Variants in ECD observed in about 807,000 individuals in gnomAD.
ECD encodes protein ecdysoneless homolog.
ECD carries 59 observed loss-of-function variants against 77.2 expected under a neutral mutation model. The observed-to-expected ratio is 0.76, with a 90% CI of 0.62 to 0.95. The LOEUF (loss-of-function observed/expected upper bound fraction) is 0.95, where lower values mean the gene tolerates loss of function less well. Ranked by LOEUF, ECD falls within the 40% of genes least tolerant of loss-of-function variation. The probability of loss-of-function intolerance (pLI) is 0.00; values close to 1 mark genes in which losing one functional copy is unlikely to be tolerated. For missense variants in ECD, 704 were observed against 763.4 expected (o/e 0.92, Z 0.92); for synonymous variants, 233 against 267.4 (o/e 0.87, Z 1.26).
chr10:73,158,324 A>T (rs909058298), intron 3 of ECD, among the ~76,000 whole-genome samples: 1 of 152,188 alleles, frequency 6.6e-6, no homozygotes, highest in African/African-American at 2.4e-5. Flanking sequence ...CACCACACAC[A>T]AAAAAATAAG....
rs148683257 is a variant in ECD, at chr10:73,136,733, T to C, written c.1675A>G (p.Ser559Gly). 4.2e-5 allele frequency: 68 copies of C among 1,614,030 alleles called. 1 individual carries two copies. In the African/African-American group the frequency reaches 7.1e-4, roughly 17 times the overall value. The part of the protein sequence containing the change: ...MDQELAHTCI[S>G]KSFTTRNQVE... The stretch of plus-strand genomic sequence containing the variant: ...TGGTTCCTAGTGGTGAAACTTTTGC[T>C]GATGCAGGTGTGTGCTAGTTCCTGG... Residue 559 changes from serine (S) to glycine (G), a missense_variant, in exon 13 of 14, where the codon AGC (serine) becomes GGC (glycine). Ser to Gly is a moderately conservative substitution (Grantham distance 56, BLOSUM62 0). Around this residue, in one of 3 missense-constraint regions of ECD, gnomAD observed 142 missense variants for 163.6 expected, o/e 0.87. Transcript: ENST00000372979.
chr10:73,149,693 CTT>C (rs1213483769), intron 7 of ECD, among the ~76,000 whole-genome samples: 2 of 152,146 alleles, frequency 1.3e-5, no homozygotes, highest in Admixed American at 6.5e-5. Flanking sequence ...ATATTTTTGA[CTT>C]ATGATATTTT....
rs761073742 is a variant in ECD, at chr10:73,156,341, G to A, written c.524C>T (p.Thr175Ile). Reference protein sequence around the residue: ...PTIPQALNIITAHSEKILASE... With the variant: ...PTIPQALNIIIAHSEKILASE... ...AGCAAGTATTTTTTCTGAATGTGCT[G>A]TGATTATATTCAATGCTTGTGGAAT... The change falls in exon 5 of 14, where the codon ACA becomes ATA. Residue 175 changes from threonine (T) to isoleucine (I), a missense_variant. This residue lies in a region of ECD where 559 missense variants were observed against 583.7 expected (regional missense o/e 0.96). Transcript: ENST00000372979. 6.2e-7 allele frequency: 1 copy of A among 1,613,452 alleles called. No homozygotes were observed. Among genetic ancestry groups the A allele is most frequent in the Non-Finnish European group, 8.5e-7 (1 of 1,179,838 alleles).
intron 2 of ECD, among the ~76,000 whole-genome samples, chr10:73,162,162 ACAAACATAAC>A (rs1382831600): frequency 6.6e-6 from 1 of 152,246 alleles, no homozygotes; most frequent in Non-Finnish European, 1.5e-5. Context: ...TTTGTGTTTT[ACAAACATAAC>A]CAGCAACAGT....
In ECD at chr10:73,160,588, A is replaced by C. The variant is rs768588882; in HGVS notation, c.206-37T>G. 27 of 1,435,462 alleles carry C rather than the reference A, an allele frequency of 1.9e-5. 1 individual carries two copies. The South Asian group carries it at 3.3e-4, about 18-fold the overall frequency. 88.9% of individuals were successfully genotyped at this position (1,435,462 alleles called of 1,614,324 possible). A position where few individuals can be genotyped will look rare whatever the true frequency, so the allele number is the denominator to read the frequency against. Reference sequence around the variant, plus strand: ...AGAAAAGCAACCATGTAACCAGATAAATTTGTTACTGCAAATAAAATGCAC... The same window carrying C: ...AGAAAAGCAACCATGTAACCAGATACATTTGTTACTGCAAATAAAATGCAC... On this transcript the variant is annotated intron_variant, in intron 2 of 13. Coordinates refer to ENST00000372979, the MANE Select transcript of ECD (RefSeq NM_007265.3).
rs1237884718 is a variant in ECD at position 73,134,201 on chromosome 10, G to C, written c.*382C>G. The C allele has an allele frequency of 5.8e-6, 1 of 173,202 alleles. No individual in the cohort carries two copies. The highest frequency in any genetic ancestry group is 1.3e-5 in the Non-Finnish European group (1 of 79,644). 10.7% of individuals were successfully genotyped at this position (173,202 alleles called of 1,614,324 possible). Reference sequence around the variant, plus strand: ...GCCTCATTAAAAAAATTGAAAAAGTGAATGAGTTTTCAAATCCAAATTTGT... The same window carrying C: ...GCCTCATTAAAAAAATTGAAAAAGTCAATGAGTTTTCAAATCCAAATTTGT... On this transcript the variant is annotated 3_prime_UTR_variant, in exon 14 of 14. Coordinates refer to ENST00000372979, the MANE Select transcript of ECD (RefSeq NM_007265.3).
At chr10:73,136,988 TA>T in intron 12 of ECD, 70 bp from the exon 13 acceptor site, 15 of 800,526 alleles carry the variant, frequency 1.9e-5, no homozygotes, top group African/African-American at 1.9e-5. Flanking sequence ...TATTATTATT[TA>T]GTTACTACAC....
intron 7 of ECD, among the ~76,000 whole-genome samples, chr10:73,149,141 T>C (rs118166342): frequency 1.3e-5 from 2 of 152,302 alleles, no homozygotes; most frequent in East Asian, 3.9e-4. Context: ...ATTCCCCTAC[T>C]AATGGACATT....
At chr10:73,151,984 A>G (rs35997057) in intron 7 of ECD, among the ~76,000 whole-genome samples, 20 of 152,122 alleles carry the variant, frequency 1.3e-4, no homozygotes, top group Non-Finnish European at 2.6e-4. Flanking sequence ...TCCTATTCAA[A>G]TTATAAAAGG....
In ECD at chr10:73,139,229, A is replaced by G. The variant is rs557893339; in HGVS notation, c.1421+80T>C. Reference sequence around the variant, plus strand: ...AACTCATTTACTCAAAAAAAAAAAAAAAAAGTGGAAATGGCAATGACTATG... The same window carrying G: ...AACTCATTTACTCAAAAAAAAAAAAGAAAAGTGGAAATGGCAATGACTATG... On this transcript the variant is annotated intron_variant, in intron 11 of 13. Transcript: ENST00000372979. 482 of 1,417,152 alleles carry G rather than the reference A, an allele frequency of 3.4e-4. 4 individuals are homozygous for G. In the African/African-American group the frequency reaches 6.1e-3, roughly 18 times the overall value. 87.8% of individuals were successfully genotyped at this position (1,417,152 alleles called of 1,614,324 possible).
At chr10:73,167,766 G>C (rs1439648391) in intron 1 of ECD, 100 bp downstream of exon 1, 1 of 154,588 alleles carries the variant, frequency 6.5e-6, no homozygotes, top group Non-Finnish European at 1.4e-5. Flanking sequence ...TACAGAAAAA[G>C]AAGCGACCAA....
intron 13 of ECD, among the ~76,000 whole-genome samples, chr10:73,135,350 A>G (rs1272440245): frequency 2.0e-5 from 3 of 152,146 alleles, no homozygotes; most frequent in African/African-American, 7.2e-5. Flanking sequence ...ACAGCTCGAT[A>G]GACTTTTATG....
chr10:73,153,884 C>A (rs1364101011), intron 6 of ECD, among the ~76,000 whole-genome samples: 3 of 152,076 alleles, frequency 2.0e-5, no homozygotes, highest in Non-Finnish European at 2.9e-5. Context: ...GTTTGAGCAT[C>A]CCAAATGTAA....
In ECD at chr10:73,136,855, C is replaced by G; in HGVS notation, c.1553G>C (p.Ser518Thr). The change falls in exon 13 of 14, where the codon AGT (serine) becomes ACT (threonine). Residue 518 changes from serine to threonine, a missense_variant. Ser to Thr is a moderately conservative substitution (Grantham distance 58, BLOSUM62 1). Around this residue, in one of 3 missense-constraint regions of ECD, gnomAD observed 142 missense variants for 163.6 expected, o/e 0.87. Transcript: ENST00000372979. Reference sequence around the variant, plus strand: ...TGTTTCAAAGTCCAAGTCATCATCACTATCTAAACATTCAAAGTCTTCATC... The same window carrying G: ...TGTTTCAAAGTCCAAGTCATCATCAGTATCTAAACATTCAAAGTCTTCATC... ...LDDEDFECLDSDDDLDFETHE... is the reference protein window; with the variant it reads ...LDDEDFECLDTDDDLDFETHE... The G allele has an allele frequency of 6.2e-7, 1 of 1,614,066 alleles. No homozygotes were observed. Among genetic ancestry groups the G allele is most frequent in the South Asian group, 1.1e-5 (1 of 91,078 alleles).
chr10:73,162,562 T>C (rs1251040925), intron 2 of ECD, among the ~76,000 whole-genome samples: 1 of 152,222 alleles, frequency 6.6e-6, no homozygotes, highest in Non-Finnish European at 1.5e-5. Flanking sequence ...CAGTAAGATA[T>C]GTAGCAATTG....
chr10:73,140,823 G>T (rs1227188180), intron 9 of ECD, among the ~76,000 whole-genome samples: 1 of 151,524 alleles, frequency 6.6e-6, no homozygotes, highest in Non-Finnish European at 1.5e-5. Flanking sequence ...ATACATACAT[G>T]CAGAGACAGG....
chr10:73,163,061 G>C (rs1269919143), intron 2 of ECD, among the ~76,000 whole-genome samples: 2 of 152,190 alleles, frequency 1.3e-5, no homozygotes, highest in East Asian at 3.8e-4. Context: ...TGTCTTGTCT[G>C]TAAGTCCTAA....
chr10:73,150,886 G>A (rs1843192897), intron 7 of ECD, among the ~76,000 whole-genome samples: 1 of 152,184 alleles, frequency 6.6e-6, no homozygotes. Flanking sequence ...ACAGGTGCTG[G>A]AGAGGATGTG....
intron 3 of ECD, among the ~76,000 whole-genome samples, chr10:73,157,709 C>T (rs1350842968): frequency 8.1e-5 from 12 of 148,466 alleles, no homozygotes; most frequent in Admixed American, 1.3e-4. Context: ...GCAACAAGAG[C>T]GAAACTCCAT....
Sources: gnomAD v4.1 joint callset for allele counts (sites outside exome capture counted in the v4.1 genomes callset) on GRCh38, gnomAD v4.1.1 for gene constraint, gnomAD v4.1.1 regional missense constraint, MANE v1.5 for transcripts, NCBI Gene and HGNC (gene_info 2026-07-23, HGNC 2026-07-21) for gene names.